Variants in GULP1 observed in about 807,000 individuals in gnomAD.
The protein encoded by GULP1 is PTB domain-containing engulfment adapter protein 1.
Under a neutral mutation model 40.9 loss-of-function variants are expected in GULP1, and 19 were observed. The ratio of observed to expected loss-of-function variants is 0.46; its 90% CI spans 0.32 to 0.68. The LOEUF (loss-of-function observed/expected upper bound fraction) is 0.68. Among genes scored for constraint, GULP1 ranks in the 30% least tolerant of loss-of-function variants. The pLI, the probability that GULP1 is intolerant of heterozygous loss-of-function variation, is 0.03. For missense variants in GULP1, 312 were observed against 362.2 expected (o/e 0.86, Z 1.12); for synonymous variants, 119 against 117.6 (o/e 1.01, Z -0.08).
At chr2:188,354,224 A>G (rs186007325) in intron 1 of GULP1, among the ~76,000 whole-genome samples, 11 of 152,208 alleles carry the variant, frequency 7.2e-5, no homozygotes, top group Admixed American at 1.3e-4. Context: ...GTCCAGAGTC[A>G]CCACTGCATG....
intron 2 of GULP1, among the ~76,000 whole-genome samples, chr2:188,469,366 T>C (rs959656368): frequency 5.3e-5 from 8 of 152,226 alleles, no homozygotes; most frequent in Admixed American, 3.9e-4. Context: ...TAACTTTTGC[T>C]TGTTTTCCGG....
At chr2:188,392,487 C>G (rs1399825751) in intron 2 of GULP1, among the ~76,000 whole-genome samples, 4 of 151,736 alleles carry the variant, frequency 2.6e-5, no homozygotes, top group Admixed American at 6.6e-5. Flanking sequence ...TGAAATGTTT[C>G]TCTTCTTTGT....
intron 1 of GULP1, among the ~76,000 whole-genome samples, chr2:188,372,637 A>G (rs867478369): frequency 2.2e-4 from 34 of 152,168 alleles, no homozygotes; most frequent in Middle Eastern, 6.8e-3. Context: ...AGTGCTCTGT[A>G]GATTATTTTG....
At chr2:188,473,408 T>C (rs2060754761) in intron 2 of GULP1, among the ~76,000 whole-genome samples, 1 of 152,168 alleles carries the variant, frequency 6.6e-6, no homozygotes, top group Non-Finnish European at 1.5e-5. Context: ...GAGTTGCCTA[T>C]TGGAAGCCGT....
intron 2 of GULP1, among the ~76,000 whole-genome samples, chr2:188,406,958 A>G (rs1301419148): frequency 2.0e-5 from 3 of 152,152 alleles, no homozygotes; most frequent in Non-Finnish European, 2.9e-5. Flanking sequence ...AATATATATT[A>G]TAATTAAGCT....
rs1382735131 is a variant in GULP1, at chr2:188,452,831, T to C, written c.-44-24828T>C. ...TTTGAATATTTTATTAATACAATAATAGGGTATATTTCAAAAGTAGTAAAT... is the reference window on the plus strand; with the variant it reads ...TTTGAATATTTTATTAATACAATAACAGGGTATATTTCAAAAGTAGTAAAT... On this transcript the variant is annotated intron_variant, in intron 2 of 11. Transcript: ENST00000409830. Among the ~76,000 whole-genome samples the C allele has an allele frequency of 2.0e-5, 3 of 152,220 alleles. No individual in the cohort carries two copies. In the East Asian group the frequency reaches 5.8e-4, roughly 29 times the overall value.
intron 2 of GULP1, among the ~76,000 whole-genome samples, chr2:188,418,942 T>C (rs2054970729): frequency 6.6e-6 from 1 of 152,248 alleles, no homozygotes; most frequent in Non-Finnish European, 1.5e-5. Flanking sequence ...TTTGAGTATT[T>C]TGTTAATACA....
intron 1 of GULP1, among the ~76,000 whole-genome samples, chr2:188,326,476 A>G (rs2040782040): frequency 1.3e-5 from 2 of 152,092 alleles, no homozygotes; most frequent in Non-Finnish European, 2.9e-5. Flanking sequence ...TACATATCTG[A>G]AGCAGCTCAC....
chr2:188,553,006 C>A (rs1693874259), intron 7 of GULP1, among the ~76,000 whole-genome samples: 1 of 151,636 alleles, frequency 6.6e-6, no homozygotes, highest in African/African-American at 2.4e-5. Flanking sequence ...CATTGGTATA[C>A]AGAAATGCTC....
rs1323401465 is a variant in GULP1, at chr2:188,576,043, A to G, written c.609+5923A>G. ...ACAAAAGGAGCAGGAATGTCCCTTC[A>G]GGTTTTCTCCTTAACATGTGGGAAG... On this transcript the variant is annotated intron_variant, in intron 9 of 11. Transcript: ENST00000409830. Among the ~76,000 whole-genome samples, 5 of 152,258 alleles carry G rather than the reference A, an allele frequency of 3.3e-5. No individual in the cohort carries two copies. In the East Asian group the frequency reaches 5.8e-4, roughly 18 times the overall value.
intron 4 of GULP1, among the ~76,000 whole-genome samples, chr2:188,488,938 T>C (rs2062100143): frequency 6.6e-6 from 1 of 151,962 alleles, no homozygotes; most frequent in Admixed American, 6.6e-5. Context: ...AAGTAATCAG[T>C]TAATGAAGAG....
At chr2:188,435,623 G>T (rs1212951039) in intron 2 of GULP1, among the ~76,000 whole-genome samples, 1 of 151,930 alleles carries the variant, frequency 6.6e-6, no homozygotes, top group Non-Finnish European at 1.5e-5. Context: ...TGTGTCCTTG[G>T]CGTAGGGTAT....
At chr2:188,378,072 A>G (rs1194703631) in intron 1 of GULP1, among the ~76,000 whole-genome samples, 2 of 152,320 alleles carry the variant, frequency 1.3e-5, no homozygotes, top group African/African-American at 2.4e-5. Context: ...ATATCATTCA[A>G]TACTTTAAGT....
chr2:188,361,530 T>C (rs760444095), intron 1 of GULP1, among the ~76,000 whole-genome samples: 6 of 152,070 alleles, frequency 3.9e-5, no homozygotes, highest in Non-Finnish European at 7.4e-5. Context: ...TGTGATATTA[T>C]TTGCATAAAA....
Position 188,594,878 on chromosome 2 carries a change from G to A in GULP1, c.*867G>A, listed in dbSNP as rs1462381658. 1 of 151,488 alleles carries A rather than the reference G, an allele frequency of 6.6e-6. No individual in the cohort carries two copies. Among genetic ancestry groups the A allele is most frequent in the Non-Finnish European group, 1.5e-5 (1 of 67,694 alleles). 9.4% of individuals were successfully genotyped at this position (151,488 alleles called of 1,614,324 possible). A position where few individuals can be genotyped will look rare whatever the true frequency, so the allele number is the denominator to read the frequency against. ...TTTACCAAATATATTTCTCCTCACT[G>A]CATAAGGACTACTCTTCTCATATTT... is the stretch of plus-strand genomic sequence containing the variant. On this transcript the variant is annotated 3_prime_UTR_variant, in exon 12 of 12. Coordinates refer to ENST00000409830, the MANE Select transcript of GULP1 (RefSeq NM_016315.4).
At chr2:188,530,679 C>T (rs983683951) in intron 6 of GULP1, among the ~76,000 whole-genome samples, 2 of 152,150 alleles carry the variant, frequency 1.3e-5, no homozygotes, top group Non-Finnish European at 2.9e-5. Flanking sequence ...AACCTACCGA[C>T]ACCTTGATCT....
intron 1 of GULP1, among the ~76,000 whole-genome samples, chr2:188,350,321 G>A (rs755260000): frequency 7.2e-5 from 11 of 152,078 alleles, no homozygotes; most frequent in Admixed American, 2.0e-4. Flanking sequence ...TAAGTCTACA[G>A]TGTATAAGCC....
chr2:188,296,351 T>C (rs2034929624), intron 1 of GULP1, among the ~76,000 whole-genome samples: 1 of 152,076 alleles, frequency 6.6e-6, no homozygotes. Flanking sequence ...AAACAATGCT[T>C]ATACTGTTTT....
At chr2:188,476,285 G>A (rs2061001156) in intron 2 of GULP1, among the ~76,000 whole-genome samples, 1 of 152,132 alleles carries the variant, frequency 6.6e-6, no homozygotes, top group Non-Finnish European at 1.5e-5. Context: ...GAGACTTTGA[G>A]ACTTAGAGTG....
Sources: gnomAD v4.1 joint callset for allele counts (sites outside exome capture counted in the v4.1 genomes callset) on GRCh38, gnomAD v4.1.1 for gene constraint, MANE v1.5 for transcripts, NCBI Gene and HGNC (gene_info 2026-07-23, HGNC 2026-07-21) for gene names.